The following CCDC7 variants were observed in gnomAD, a reference collection of about 807,000 sequenced individuals.
CCDC7 encodes the protein coiled-coil domain containing 7, also known as coiled-coil domain-containing protein 7.
In CCDC7, 183 loss-of-function variants were observed where a neutral mutation model predicts 196.9. The ratio of observed to expected loss-of-function variants is 0.93; its 90% CI spans 0.82 to 1.05. The LOEUF (loss-of-function observed/expected upper bound fraction) is 1.05, where lower values mean the gene tolerates loss of function less well. Ranked by LOEUF, CCDC7 falls within the 50% of genes least tolerant of loss-of-function variation. CCDC7 has a pLI of 0.00. For missense variants in CCDC7, 1,540 were observed against 1,482.2 expected, an observed-to-expected ratio of 1.04 and a Z score of -0.64; for synonymous variants, 525 against 484.6, an observed-to-expected ratio of 1.08 and a Z score of -1.10.
At chr10:32,621,394 T>C (rs2139145689) in intron 18 of CCDC7, among the ~76,000 whole-genome samples, 1 of 152,274 alleles carries the variant, frequency 6.6e-6, no homozygotes, top group African/African-American at 2.4e-5. Flanking sequence ...ATGTTTTCAT[T>C]ATCTGTCTGC....
chr10:32,516,496 C>T lies in CCDC7; in HGVS notation c.873-1449C>T, dbSNP rs531507678. Among the ~76,000 whole-genome samples the T allele has an allele frequency of 6.4e-4, 97 of 152,228 alleles. No homozygotes were observed. In the South Asian group the frequency reaches 0.015, roughly 23 times the overall value. On this transcript the variant is annotated intron_variant, in intron 9 of 41. Coordinates refer to ENST00000639629, the Ensembl canonical transcript of CCDC7. ...AGAGATGGGGTTTCACCATGTTGGCCAGGCTGGTCTCAAACTCCTGACCTC... is the reference window on the plus strand; with the variant it reads ...AGAGATGGGGTTTCACCATGTTGGCTAGGCTGGTCTCAAACTCCTGACCTC...
chr10:32,557,851 A>G lies in CCDC7; in HGVS notation c.1135-7707A>G, dbSNP rs1419779453. ...GGATTATAAGTGTGTACCACCATGG[A>G]TGGCTAATTCAAAATGTGTTTTATA... On this transcript the variant is annotated intron_variant, in intron 13 of 41. Coordinates refer to ENST00000639629, the Ensembl canonical transcript of CCDC7. 2.0e-5 allele frequency among the ~76,000 whole-genome samples: 3 copies of G among 152,070 alleles called. No homozygotes were observed. The South Asian group carries it at 6.2e-4, about 32-fold the overall frequency.
intron 9 of CCDC7, among the ~76,000 whole-genome samples, chr10:32,504,476 G>A (rs756024629): frequency 6.6e-5 from 10 of 151,888 alleles, no homozygotes; most frequent in East Asian, 1.9e-4. Flanking sequence ...TATTTTTCTC[G>A]TTCTTTGGTG....
At position 32,459,646 on chromosome 10, in the gene CCDC7, A is replaced by ATTTTTTTTTTTTTT. The variant is rs60002951; in HGVS notation, c.457-3023_457-3010dup. Among the ~76,000 whole-genome samples the ATTTTTTTTTTTTTT allele has an allele frequency of 3.2e-4, 22 of 68,738 alleles. 3 individuals carry two copies. Among genetic ancestry groups the ATTTTTTTTTTTTTT allele is most frequent in the East Asian group, 2.1e-3 (5 of 2,362 alleles). 45.1% of individuals were successfully genotyped at this position (68,738 alleles called of 152,430 possible). A position where few individuals can be genotyped will look rare whatever the true frequency, so the allele number is the denominator to read the frequency against. On this transcript the variant is annotated intron_variant, in intron 3 of 41. Coordinates refer to ENST00000639629, the Ensembl canonical transcript of CCDC7. The stretch of plus-strand genomic sequence containing the variant: ...AAGCCTTTGGACTTCCCTGCTGCAC[A>ATTTTTTTTTTTTTT]TTTTTTTTTTTTTTTTTTTTTTTTT...
chr10:32,773,824 C>T (rs1396528651), intron 28 of CCDC7, among the ~76,000 whole-genome samples: 1 of 152,022 alleles, frequency 6.6e-6, no homozygotes, highest in African/African-American at 2.4e-5. Flanking sequence ...TTGCTTAATA[C>T]TAGAACTTAA....
intron 13 of CCDC7, among the ~76,000 whole-genome samples, chr10:32,547,137 C>G (rs1468767494): frequency 2.6e-5 from 4 of 152,100 alleles, no homozygotes; most frequent in Non-Finnish European, 5.9e-5. Context: ...CCCGCCTCAC[C>G]CTCCCAGGTA....
chr10:32,451,250 T>C (rs1209349075), upstream of CCDC7, among the ~76,000 whole-genome samples: 1 of 152,212 alleles, frequency 6.6e-6, no homozygotes, highest in Admixed American at 6.5e-5. Flanking sequence ...GTTAGTCACT[T>C]AACTTGTCTG....
chr10:32,467,533 A>G (rs188778657), intron 5 of CCDC7, among the ~76,000 whole-genome samples: 2 of 152,294 alleles, frequency 1.3e-5, no homozygotes, highest in Admixed American at 6.5e-5. Flanking sequence ...CCCAATTTCT[A>G]GGTTGCCTGT....
At chr10:32,691,385 C>T (rs992037074) in intron 23 of CCDC7, among the ~76,000 whole-genome samples, 1 of 152,018 alleles carries the variant, frequency 6.6e-6, no homozygotes, top group Non-Finnish European at 1.5e-5. Flanking sequence ...TCAGATATTT[C>T]TTGGGGAGAG....
chr10:32,446,936 CTCTTCCCTTCCTCCCT>C (rs1474261086), upstream of CCDC7, among the ~76,000 whole-genome samples: 2 of 38,342 alleles, frequency 5.2e-5, no homozygotes, highest in African/African-American at 1.1e-4. Context: ...CTTCCTTCCC[CTCTTCCCTTCCTCCCT>C]CCCTCCCTCC....
rs1565352382 is a variant in CCDC7 at position 32,740,262 on chromosome 10, G to T, written c.2905+10805G>T. Among the ~76,000 whole-genome samples the T allele has an allele frequency of 3.9e-5, 6 of 152,104 alleles. No individual in the cohort carries two copies. In the South Asian group the frequency reaches 1.2e-3, roughly 31 times the overall value. On this transcript the variant is annotated intron_variant, in intron 28 of 41. Transcript: ENST00000639629. Reference sequence around the variant, plus strand: ...TCTCTGATAAAATAGTTTCCCTTGAGTGTAGTCTTTTGTTAAGAACAGAAA... The same window carrying T: ...TCTCTGATAAAATAGTTTCCCTTGATTGTAGTCTTTTGTTAAGAACAGAAA...
chr10:32,719,494 C>T (rs530852995), intron 25 of CCDC7, among the ~76,000 whole-genome samples: 9 of 152,238 alleles, frequency 5.9e-5, no homozygotes, highest in African/African-American at 9.6e-5. Flanking sequence ...ACACCAAAGG[C>T]AATTGCAATA....
At chr10:32,791,944 A>G (rs1208574651) in intron 29 of CCDC7, among the ~76,000 whole-genome samples, 1 of 152,226 alleles carries the variant, frequency 6.6e-6, no homozygotes, top group Non-Finnish European at 1.5e-5. Flanking sequence ...TGTCAAAGTC[A>G]AAAGAATTTT....
intron 28 of CCDC7, among the ~76,000 whole-genome samples, chr10:32,757,881 G>T (rs1277523880): frequency 6.6e-6 from 1 of 151,880 alleles, no homozygotes; most frequent in Non-Finnish European, 1.5e-5. Context: ...AAGAAGAGAA[G>T]AATCAAATAG....
chr10:32,734,693 G>A (rs551538062), intron 28 of CCDC7, among the ~76,000 whole-genome samples: 3 of 152,156 alleles, frequency 2.0e-5, no homozygotes, highest in African/African-American at 4.8e-5. Context: ...TCAGGAGTTC[G>A]AGACCAGCCT....
chr10:32,625,528 T>C (rs996342907), intron 18 of CCDC7, among the ~76,000 whole-genome samples: 1 of 152,072 alleles, frequency 6.6e-6, no homozygotes, highest in African/African-American at 2.4e-5. Context: ...ACGAATATAA[T>C]GTGGAGTACT....
chr10:32,534,161 C>G (rs998967978), intron 11 of CCDC7, among the ~76,000 whole-genome samples: 1 of 151,980 alleles, frequency 6.6e-6, no homozygotes, highest in African/African-American at 2.4e-5. Context: ...GAATTTTTCT[C>G]CTCTACTTGG....
chr10:32,828,526 AAG>A (rs1159700462), intron 32 of CCDC7, among the ~76,000 whole-genome samples: 1 of 150,416 alleles, frequency 6.6e-6, no homozygotes, highest in African/African-American at 2.4e-5. Context: ...GAAGAAGAAG[AAG>A]AAGAAGAAGA....
At chr10:32,621,912 A>G (rs904304392) in intron 18 of CCDC7, among the ~76,000 whole-genome samples, 18 of 152,202 alleles carry the variant, frequency 1.2e-4, no homozygotes, top group Non-Finnish European at 2.9e-5. Flanking sequence ...CCTTACAGAC[A>G]CACTGAGAAA....
Sources: allele counts gnomAD v4.1 joint callset (sites outside exome capture counted in the v4.1 genomes callset), GRCh38; gene constraint gnomAD v4.1.1; transcripts MANE v1.5; gene names NCBI Gene and HGNC (gene_info 2026-07-23, HGNC 2026-07-21).